The following LRRC4C variants were observed in gnomAD, a reference collection of about 807,000 sequenced individuals.
LRRC4C encodes the protein leucine-rich repeat-containing protein 4C.
A neutral mutation model predicts 33.6 loss-of-function variants in LRRC4C; 5 were observed. The observed-to-expected ratio is 0.15, with a 90% CI of 0.08 to 0.31. The LOEUF (loss-of-function observed/expected upper bound fraction) is 0.31, where lower values mean the gene tolerates loss of function less well. LRRC4C is among the 10% of genes least tolerant of loss of function. LRRC4C has a pLI of 1.00. For synonymous variants in LRRC4C, 329 were observed against 302.0 expected (o/e 1.09, Z -0.93); for missense variants, 560 against 796.7 (o/e 0.70, Z 3.58).
chr11:40,211,038 A>G (rs978505499), intron 5 of LRRC4C, among the ~76,000 whole-genome samples: 3 of 152,120 alleles, frequency 2.0e-5, no homozygotes, highest in African/African-American at 7.2e-5. Context: ...CGGCCTCCCA[A>G]AGTGCTAGGA....
At chr11:40,871,830 G>A (rs574892642) in intron 2 of LRRC4C, among the ~76,000 whole-genome samples, 1 of 152,226 alleles carries the variant, frequency 6.6e-6, no homozygotes, top group Admixed American at 6.5e-5. Context: ...CCTGGGGATG[G>A]AGAACTGCCC....
intron 2 of LRRC4C, among the ~76,000 whole-genome samples, chr11:40,900,860 T>C (rs537953266): frequency 6.6e-6 from 1 of 152,170 alleles, no homozygotes; most frequent in East Asian, 1.9e-4. Context: ...AGTTTTTTTC[T>C]CCCTACATTT....
chr11:40,439,546 C>T (rs567542910), intron 3 of LRRC4C, among the ~76,000 whole-genome samples: 1 of 151,868 alleles, frequency 6.6e-6, no homozygotes, highest in African/African-American at 2.4e-5. Flanking sequence ...CCCCACCTCC[C>T]AGGCTCAAGC....
intron 1 of LRRC4C, among the ~76,000 whole-genome samples, chr11:40,977,502 GTC>G (rs1852172243): frequency 6.6e-6 from 1 of 151,990 alleles, no homozygotes; most frequent in Non-Finnish European, 1.5e-5. Flanking sequence ...GTGACTATAA[GTC>G]TCTGTGACTT....
intron 3 of LRRC4C, among the ~76,000 whole-genome samples, chr11:40,387,815 T>C (rs1949170302): frequency 6.6e-6 from 1 of 152,210 alleles, no homozygotes; most frequent in African/African-American, 2.4e-5. Context: ...TGTTGTCCTC[T>C]TTGAATGCTG....
intron 2 of LRRC4C, among the ~76,000 whole-genome samples, chr11:40,929,545 C>T (rs1957527524): frequency 1.3e-5 from 2 of 152,132 alleles, no homozygotes; most frequent in Non-Finnish European, 2.9e-5. Context: ...GCTATCCGTC[C>T]ATAGTAAAAA....
At chr11:41,378,713 A>T (rs1953031169) in intron 1 of LRRC4C, among the ~76,000 whole-genome samples, 1 of 152,168 alleles carries the variant, frequency 6.6e-6, no homozygotes, top group Non-Finnish European at 1.5e-5. Context: ...CTTTTAAATG[A>T]TTCCTATGAA....
At chr11:40,990,103 T>C (rs1016052112) in intron 1 of LRRC4C, among the ~76,000 whole-genome samples, 2 of 150,928 alleles carry the variant, frequency 1.3e-5, no homozygotes, top group Non-Finnish European at 3.0e-5. Flanking sequence ...CCCCCAAGGA[T>C]ACTGAGGGTG....
intron 1 of LRRC4C, among the ~76,000 whole-genome samples, chr11:41,160,987 G>A (rs1486278880): frequency 6.6e-6 from 1 of 152,152 alleles, no homozygotes; most frequent in Non-Finnish European, 1.5e-5. Context: ...GGGAACAATT[G>A]ACGATTTACT....
rs202224374 is a variant in LRRC4C at position 40,924,432 on chromosome 11, T to C, written c.-407+9203A>G. On this transcript the variant is annotated intron_variant, in intron 2 of 6. Transcript: ENST00000528697. ...AAAAGCTAAAAAATACTGTATGCCT[T>C]AAAAAATACTAGTAGTCTGGGCAAC... 2.2e-4 allele frequency among the ~76,000 whole-genome samples: 31 copies of C among 138,738 alleles called. 1 individual carries two copies. In the East Asian group the frequency reaches 6.5e-3, roughly 29 times the overall value. The allele number at this position is 138,738 out of a possible 152,430, so 91.0% of individuals were successfully genotyped here.
At chr11:41,308,404 C>G (rs902787963) in intron 1 of LRRC4C, among the ~76,000 whole-genome samples, 1 of 152,090 alleles carries the variant, frequency 6.6e-6, no homozygotes, top group Non-Finnish European at 1.5e-5. Context: ...GGCAGTAGAA[C>G]GTGACATTAC....
intron 4 of LRRC4C, among the ~76,000 whole-genome samples, chr11:40,260,141 C>G (rs1216082138): frequency 8.2e-6 from 1 of 121,850 alleles, no homozygotes; most frequent in Admixed American, 9.2e-5. Context: ...ATAGCAAAGA[C>G]TTGGAACCAA....
At chr11:41,101,976 T>G (rs974618024) in intron 1 of LRRC4C, among the ~76,000 whole-genome samples, 3 of 151,998 alleles carry the variant, frequency 2.0e-5, no homozygotes, top group Non-Finnish European at 4.4e-5. Context: ...CACTGGGGCC[T>G]ACTTGAGGGT....
intron 1 of LRRC4C, among the ~76,000 whole-genome samples, chr11:41,449,775 A>G (rs1323047961): frequency 6.6e-6 from 1 of 151,952 alleles, no homozygotes; most frequent in Non-Finnish European, 1.5e-5. Flanking sequence ...ATGGAAAAAA[A>G]AAAAAAAAAA....
At chr11:40,855,946 T>C (rs2038921897) in intron 2 of LRRC4C, among the ~76,000 whole-genome samples, 1 of 151,904 alleles carries the variant, frequency 6.6e-6, no homozygotes, top group Non-Finnish European at 1.5e-5. Context: ...TTTTTTCTAT[T>C]ATTATTAATT....
chr11:41,062,267 G>T (rs889469301), intron 1 of LRRC4C, among the ~76,000 whole-genome samples: 2 of 151,926 alleles, frequency 1.3e-5, no homozygotes, highest in African/African-American at 4.8e-5. Flanking sequence ...CCTTCAAAAG[G>T]CACCAGTGTG....
intron 3 of LRRC4C, among the ~76,000 whole-genome samples, chr11:40,513,596 A>C (rs2135159853): frequency 6.6e-6 from 1 of 152,208 alleles, no homozygotes; most frequent in Non-Finnish European, 1.5e-5. Context: ...TTTCAAAATT[A>C]AGGGCCAGGG....
At chr11:40,747,555 A>G (rs1312209261) in intron 2 of LRRC4C, among the ~76,000 whole-genome samples, 1 of 152,154 alleles carries the variant, frequency 6.6e-6, no homozygotes, top group East Asian at 1.9e-4. Flanking sequence ...CCAGCAACAG[A>G]GCACAATAAA....
intron 2 of LRRC4C, among the ~76,000 whole-genome samples, chr11:40,766,353 T>TAAAAAAAAAAAAAAAAAA (rs60152534): frequency 2.7e-4 from 9 of 33,916 alleles, no homozygotes; most frequent in African/African-American, 9.6e-4. Context: ...TTCAGTCTGT[T>TAAAAAAAAAAAAAAAAAA]AAAAAAAAAA....
Sources: allele counts gnomAD v4.1 joint callset (sites outside exome capture counted in the v4.1 genomes callset), GRCh38; gene constraint gnomAD v4.1.1; transcripts MANE v1.5; gene names NCBI Gene and HGNC (gene_info 2026-07-23, HGNC 2026-07-21).